The following ZNF804B variants were observed in gnomAD, a reference collection of about 807,000 sequenced individuals.
The protein encoded by ZNF804B is zinc finger protein 804B.
In ZNF804B, 80 loss-of-function variants were observed where a neutral mutation model predicts 101.4. The ratio of observed to expected loss-of-function variants is 0.79; its 90% confidence interval spans 0.66 to 0.95. The LOEUF is 0.95. Ranked by LOEUF, ZNF804B falls within the 40% of genes least tolerant of loss-of-function variation. The probability of loss-of-function intolerance (pLI) is 0.00; values close to 1 mark genes in which losing one functional copy is unlikely to be tolerated. For missense variants in ZNF804B, 1,673 were observed against 1,561.9 expected (o/e 1.07, Z -1.20); for synonymous variants, 622 against 558.8 (o/e 1.11, Z -1.59).
intron 1 of ZNF804B, among the ~76,000 whole-genome samples, chr7:89,027,518 A>G (rs1425737209): frequency 2.0e-5 from 3 of 152,194 alleles, no homozygotes; most frequent in Non-Finnish European, 4.4e-5. Flanking sequence ...AGCTAATTAC[A>G]TTTTATACTT....
At chr7:88,856,596 G>C (rs551013466) in intron 1 of ZNF804B, among the ~76,000 whole-genome samples, 1 of 152,002 alleles carries the variant, frequency 6.6e-6, no homozygotes, top group Admixed American at 6.6e-5. Flanking sequence ...AATACCCTTT[G>C]TTTTCTTCTC....
intron 1 of ZNF804B, among the ~76,000 whole-genome samples, chr7:88,835,851 T>G (rs1008781850): frequency 7.2e-5 from 11 of 151,954 alleles, no homozygotes; most frequent in Non-Finnish European, 1.6e-4. Context: ...ATATAAATAT[T>G]TGAGCTCATA....
intron 1 of ZNF804B, among the ~76,000 whole-genome samples, chr7:88,924,005 T>G (rs1792759959): frequency 6.6e-6 from 1 of 152,256 alleles, no homozygotes; most frequent in African/African-American, 2.4e-5. Context: ...TGTTTTGGCT[T>G]TGCTGCTATA....
chr7:89,329,345 A>T (rs549853770), intron 3 of ZNF804B, among the ~76,000 whole-genome samples: 1 of 151,908 alleles, frequency 6.6e-6, no homozygotes, highest in South Asian at 2.1e-4. Flanking sequence ...GGTTGAAGGA[A>T]AGTCACTTAA....
chr7:89,330,358 G>A (rs1258916256), intron 3 of ZNF804B, among the ~76,000 whole-genome samples: 2 of 151,592 alleles, frequency 1.3e-5, no homozygotes, highest in South Asian at 2.1e-4. Flanking sequence ...AATTTGCCAA[G>A]AGAGTGAATC....
rs1418180850 is a variant in ZNF804B, at chr7:89,219,995, A to ATATACGCACATATATGTG, written c.249+1701_249+1702insATACGCACATATATGTGT. Among the ~76,000 whole-genome samples, 105 of 143,028 alleles carry ATATACGCACATATATGTG rather than the reference A, an allele frequency of 7.3e-4. 15 individuals are homozygous for ATATACGCACATATATGTG. The highest frequency in any genetic ancestry group is 1.8e-3 in the African/African-American group (67 of 37,332). The allele number at this position is 143,028 out of a possible 152,430, so 93.8% of individuals were successfully genotyped here. A position where few individuals can be genotyped will look rare whatever the true frequency, so the allele number is the denominator to read the frequency against. ...TATGTATATACATATGTGTGCATATATGTATATGCACATATATGTGTGTAT... is the reference window on the plus strand; with the variant it reads ...TATGTATATACATATGTGTGCATATATATACGCACATATATGTGTGTATATGCACATATATGTGTGTAT... On this transcript the variant is annotated intron_variant, in intron 2 of 3. Coordinates refer to ENST00000333190, the MANE Select transcript of ZNF804B (RefSeq NM_181646.5).
chr7:88,812,311 A>C (rs372902589), intron 1 of ZNF804B, among the ~76,000 whole-genome samples: 4 of 152,206 alleles, frequency 2.6e-5, no homozygotes, highest in African/African-American at 9.6e-5. Flanking sequence ...GTGAAAAATT[A>C]GTGTGCACTT....
In ZNF804B at chr7:89,238,553, T is replaced by C. The variant is rs887217241; in HGVS notation, c.249+20258T>C. 3.9e-5 allele frequency among the ~76,000 whole-genome samples: 6 copies of C among 152,218 alleles called. No individual in the cohort carries two copies. In the South Asian group the frequency reaches 1.2e-3, roughly 31 times the overall value. ...GTTAAATTTATATGTATGTGTATCC[T>C]GGGTCATGAAATAAAAAGGATATTT... is the stretch of plus-strand genomic sequence containing the variant. On this transcript the variant is annotated intron_variant, in intron 2 of 3. Coordinates refer to ENST00000333190, the MANE Select transcript of ZNF804B (RefSeq NM_181646.5).
At chr7:88,982,452 T>C (rs993985885) in intron 1 of ZNF804B, among the ~76,000 whole-genome samples, 16 of 152,114 alleles carry the variant, frequency 1.1e-4, no homozygotes, top group Admixed American at 1.0e-3. Flanking sequence ...TCAATGCTTC[T>C]TGAAACTAGA....
chr7:89,143,620 A>T (rs1309740028), intron 1 of ZNF804B, among the ~76,000 whole-genome samples: 1 of 151,998 alleles, frequency 6.6e-6, no homozygotes, highest in East Asian at 1.9e-4. Context: ...TAAGACATAA[A>T]TGATTTCACA....
chr7:88,808,259 G>A (rs1351921103), intron 1 of ZNF804B, among the ~76,000 whole-genome samples: 1 of 151,874 alleles, frequency 6.6e-6, no homozygotes, highest in Non-Finnish European at 1.5e-5. Flanking sequence ...GCATGCGCCT[G>A]TAATCCCAGC....
At position 88,960,695 on chromosome 7, in the gene ZNF804B, A is replaced by G. The variant is rs149525035; in HGVS notation, c.108+200611A>G. Among the ~76,000 whole-genome samples the G allele has an allele frequency of 4.3e-3, 658 of 151,464 alleles. 5 individuals carry two copies. The highest frequency in any genetic ancestry group is 8.5e-3 in the South Asian group (41 of 4,814). On this transcript the variant is annotated intron_variant, in intron 1 of 3. Coordinates refer to ENST00000333190, the MANE Select transcript of ZNF804B (RefSeq NM_181646.5). ...TCTTCTATTTATTTCCATGATGTCA[A>G]GATACTTTTCTCCTTTCTGAAATAT...
At chr7:89,093,001 A>G (rs1308152612) in intron 1 of ZNF804B, among the ~76,000 whole-genome samples, 3 of 152,178 alleles carry the variant, frequency 2.0e-5, no homozygotes, top group Non-Finnish European at 2.9e-5. Context: ...ACATATACAT[A>G]TATTCATAAA....
chr7:89,224,412 A>T (rs1789049922), intron 2 of ZNF804B, among the ~76,000 whole-genome samples: 1 of 152,056 alleles, frequency 6.6e-6, no homozygotes, highest in South Asian at 2.1e-4. Flanking sequence ...TACCATTGTC[A>T]TCTTGACCTT....
rs188542712 is a variant in ZNF804B, at chr7:88,876,534, C to A, written c.108+116450C>A. On this transcript the variant is annotated intron_variant, in intron 1 of 3. Transcript: ENST00000333190. The stretch of plus-strand genomic sequence containing the variant: ...CCAAATCCTCAACACTTCTGGAGAT[C>A]CTAGGCCAAACTTTTCTTATCTATC... Among the ~76,000 whole-genome samples, 15 of 152,216 alleles carry A rather than the reference C, an allele frequency of 9.9e-5. No individual in the cohort carries two copies. The East Asian group carries it at 1.9e-3, about 20-fold the overall frequency.
At chr7:89,264,243 C>T (rs1789751246) in intron 2 of ZNF804B, among the ~76,000 whole-genome samples, 1 of 152,128 alleles carries the variant, frequency 6.6e-6, no homozygotes, top group Non-Finnish European at 1.5e-5. Context: ...AGAGCCAAGC[C>T]TCTTTGAAAT....
chr7:89,109,982 G>A (rs1790191910), intron 1 of ZNF804B, among the ~76,000 whole-genome samples: 1 of 152,038 alleles, frequency 6.6e-6, no homozygotes, highest in Non-Finnish European at 1.5e-5. Context: ...TGGATATGCA[G>A]TTGAGGGAAA....
chr7:88,957,970 C>T (rs17165775), intron 1 of ZNF804B, among the ~76,000 whole-genome samples: 92,658 of 150,934 alleles, frequency 0.61, 28,651 homozygotes, highest in East Asian at 0.66. Context: ...TCTGTAGTTA[C>T]AGATTTGCTC....
At chr7:89,246,892 G>T (rs1372815329) in intron 2 of ZNF804B, among the ~76,000 whole-genome samples, 1 of 152,114 alleles carries the variant, frequency 6.6e-6, no homozygotes, top group African/African-American at 2.4e-5. Flanking sequence ...AGATCTGTAT[G>T]CATGGGTGCC....
Sources: gnomAD v4.1 joint callset for allele counts (sites outside exome capture counted in the v4.1 genomes callset) on GRCh38, gnomAD v4.1.1 for gene constraint, MANE v1.5 for transcripts, NCBI Gene and HGNC (gene_info 2026-07-23, HGNC 2026-07-21) for gene names.